The following RNF217 variants were observed in gnomAD, a reference collection of about 807,000 sequenced individuals.
The protein encoded by RNF217 is ring finger protein 217, also known as E3 ubiquitin-protein ligase RNF217.
In RNF217, 31 loss-of-function variants were observed where a neutral mutation model predicts 57.8. The ratio of observed to expected loss-of-function variants is 0.54; its 90% CI spans 0.40 to 0.72. The LOEUF (loss-of-function observed/expected upper bound fraction) is 0.72. Among genes scored for constraint, RNF217 ranks in the 30% least tolerant of loss-of-function variants. The pLI is 0.00. For synonymous variants in RNF217, 313 were observed against 294.0 expected (o/e 1.06, Z -0.66); for missense variants, 696 against 708.3 (o/e 0.98, Z 0.20).
intron 1 of RNF217, among the ~76,000 whole-genome samples, chr6:125,035,323 T>C (rs1236417625): frequency 6.6e-6 from 1 of 152,124 alleles, no homozygotes; most frequent in Non-Finnish European, 1.5e-5. Context: ...AGTATGATAT[T>C]GGCTGTGGGT....
At chr6:125,069,063 T>C (rs1407616754) in intron 3 of RNF217, among the ~76,000 whole-genome samples, 1 of 152,154 alleles carries the variant, frequency 6.6e-6, no homozygotes, top group Non-Finnish European at 1.5e-5. Context: ...GCTCATTTAT[T>C]GTACGGCTCT....
chr6:124,963,859 T>C (rs1783416927), intron 1 of RNF217, among the ~76,000 whole-genome samples: 1 of 152,260 alleles, frequency 6.6e-6, no homozygotes, highest in South Asian at 2.1e-4. Flanking sequence ...AATACATGAA[T>C]TTGTAATTTT....
intron 1 of RNF217, among the ~76,000 whole-genome samples, chr6:124,973,929 T>TGTCA (rs1783856838): frequency 6.6e-6 from 1 of 152,230 alleles, no homozygotes; most frequent in African/African-American, 2.4e-5. Flanking sequence ...TGTAGTCAGA[T>TGTCA]GTCAGGTCAC....
intron 3 of RNF217, 148 bp from the exon 4 acceptor site, chr6:125,076,509 G>T: frequency 1.6e-6 from 1 of 618,690 alleles, no homozygotes; most frequent in Non-Finnish European, 2.9e-6. Context: ...TGGAGGGTAT[G>T]ATTATAAGCA....
At chr6:125,028,840 C>T (rs1375961297) in intron 1 of RNF217, among the ~76,000 whole-genome samples, 1 of 151,622 alleles carries the variant, frequency 6.6e-6, no homozygotes, top group Non-Finnish European at 1.5e-5. Flanking sequence ...TTTTTTACTG[C>T]TTATGTAAGT....
chr6:124,993,377 C>T (rs1279645027), intron 1 of RNF217, among the ~76,000 whole-genome samples: 1 of 152,106 alleles, frequency 6.6e-6, no homozygotes, highest in African/African-American at 2.4e-5. Context: ...TCTTCTCCTC[C>T]CCTCCCGTCC....
In RNF217 at chr6:125,057,218, C is replaced by T. The variant is rs541972995; in HGVS notation, c.1117-724C>T. Among the ~76,000 whole-genome samples, 393 of 152,264 alleles carry T rather than the reference C, an allele frequency of 2.6e-3. 2 individuals carry two copies. Among genetic ancestry groups the T allele is most frequent in the Admixed American group, 4.4e-3 (67 of 15,298 alleles). On this transcript the variant is annotated intron_variant, in intron 2 of 5. Coordinates refer to ENST00000521654, the MANE Select transcript of RNF217 (RefSeq NM_001286398.3). ...TTTGAGATGGTCTCTCTCTGTCGCCCATGCTGGAGTGCAGTGGCACAATCT... is the reference window on the plus strand; with the variant it reads ...TTTGAGATGGTCTCTCTCTGTCGCCTATGCTGGAGTGCAGTGGCACAATCT...
intron 1 of RNF217, among the ~76,000 whole-genome samples, chr6:125,038,301 G>T (rs2114503349): frequency 6.6e-6 from 1 of 152,262 alleles, no homozygotes; most frequent in African/African-American, 2.4e-5. Context: ...CCAGTAAACA[G>T]AAGTTAGATG....
chr6:125,015,198 A>G (rs1223243274), intron 1 of RNF217, among the ~76,000 whole-genome samples: 1 of 152,204 alleles, frequency 6.6e-6, no homozygotes, highest in Non-Finnish European at 1.5e-5. Flanking sequence ...AACATATTAT[A>G]TAGTTTGAAG....
At chr6:125,034,823 C>T (rs1333967670) in intron 1 of RNF217, among the ~76,000 whole-genome samples, 1 of 152,076 alleles carries the variant, frequency 6.6e-6, no homozygotes, top group East Asian at 1.9e-4. Context: ...TTCTTCCTAC[C>T]CATGAGCATG....
rs908605389 is a variant in RNF217 at position 125,091,624 on chromosome 6, G to T, written c.*8687G>T. The T allele has an allele frequency of 1.3e-5, 2 of 151,230 alleles. No individual in the cohort carries two copies. The highest frequency in any genetic ancestry group is 4.9e-5 in the African/African-American group (2 of 40,966). 9.4% of individuals were successfully genotyped at this position (151,230 alleles called of 1,614,324 possible). On this transcript the variant is annotated 3_prime_UTR_variant, in exon 6 of 6. Coordinates refer to ENST00000521654, the MANE Select transcript of RNF217 (RefSeq NM_001286398.3). ...CCATAAAAAATGCTAATTAAGTTTA[G>T]AACAGGAGTTGAAATGACTCTCAGT...
At chr6:124,998,686 A>G (rs958511520) in intron 1 of RNF217, among the ~76,000 whole-genome samples, 1 of 152,092 alleles carries the variant, frequency 6.6e-6, no homozygotes, top group African/African-American at 2.4e-5. Context: ...CTGTAGTCCC[A>G]GCTACTCAGG....
At chr6:125,016,194 T>G (rs565886473) in intron 1 of RNF217, among the ~76,000 whole-genome samples, 4 of 152,306 alleles carry the variant, frequency 2.6e-5, no homozygotes, top group South Asian at 4.1e-4. Context: ...CATATGGTTC[T>G]TTCATTATTC....
chr6:124,967,872 G>A (rs977677906), intron 1 of RNF217, among the ~76,000 whole-genome samples: 2 of 151,964 alleles, frequency 1.3e-5, no homozygotes, highest in African/African-American at 4.8e-5. Flanking sequence ...TTTGCCTCCC[G>A]GGTTCAAGCG....
rs1788812830 is a variant in RNF217, at chr6:125,087,773, G to A, written c.*4836G>A. The stretch of plus-strand genomic sequence containing the variant: ...AAACCTAGCAAATAATACTTAATAA[G>A]TGTTACCTAATATACCTAATTGGAA... On this transcript the variant is annotated 3_prime_UTR_variant, in exon 6 of 6. Coordinates refer to ENST00000521654, the MANE Select transcript of RNF217 (RefSeq NM_001286398.3). The A allele has an allele frequency of 6.6e-6, 1 of 151,922 alleles. No individual in the cohort carries two copies. Among genetic ancestry groups the A allele is most frequent in the Admixed American group, 6.6e-5 (1 of 15,218 alleles). 9.4% of individuals were successfully genotyped at this position (151,922 alleles called of 1,614,324 possible). A position where few individuals can be genotyped will look rare whatever the true frequency, so the allele number is the denominator to read the frequency against.
chr6:125,008,050 A>C (rs933289127), intron 1 of RNF217, among the ~76,000 whole-genome samples: 1 of 152,038 alleles, frequency 6.6e-6, no homozygotes, highest in Non-Finnish European at 1.5e-5. Flanking sequence ...AGGTCAGTAG[A>C]TCAAGACCAT....
At position 125,082,992 on chromosome 6, in the gene RNF217, G is replaced by A. The variant is rs1323325595; in HGVS notation, c.*55G>A. The A allele has an allele frequency of 9.9e-6, 12 of 1,210,826 alleles. No individual in the cohort carries two copies. Among genetic ancestry groups the A allele is most frequent in the Non-Finnish European group, 1.4e-5 (12 of 860,664 alleles). The allele number at this position is 1,210,826 out of a possible 1,614,324, so 75.0% of individuals were successfully genotyped here. A position where few individuals can be genotyped will look rare whatever the true frequency, so the allele number is the denominator to read the frequency against. On this transcript the variant is annotated 3_prime_UTR_variant, in exon 6 of 6. Coordinates refer to ENST00000521654, the MANE Select transcript of RNF217 (RefSeq NM_001286398.3). ...GTTGGAGTAGGAGCGATACCAAAGGGTACACCCATCTGTGAGTCACATCTT... is the reference window on the plus strand; with the variant it reads ...GTTGGAGTAGGAGCGATACCAAAGGATACACCCATCTGTGAGTCACATCTT...
chr6:125,003,275 T>C (rs1785055583), intron 1 of RNF217, among the ~76,000 whole-genome samples: 1 of 152,184 alleles, frequency 6.6e-6, no homozygotes, highest in African/African-American at 2.4e-5. Flanking sequence ...CAATCACTGA[T>C]AAGATAATGA....
At chr6:125,031,737 A>G (rs1786370220) in intron 1 of RNF217, among the ~76,000 whole-genome samples, 1 of 151,960 alleles carries the variant, frequency 6.6e-6, no homozygotes. Flanking sequence ...ACTTTCCCAC[A>G]TTTTCCTATC....
Sources: allele counts gnomAD v4.1 joint callset (sites outside exome capture counted in the v4.1 genomes callset), GRCh38; gene constraint gnomAD v4.1.1; transcripts MANE v1.5; gene names NCBI Gene and HGNC (gene_info 2026-07-23, HGNC 2026-07-21).